Variants in RASL12 observed in about 807,000 individuals in gnomAD.
RASL12 encodes ras-like protein family member 12.
Under a neutral mutation model 22.9 loss-of-function variants are expected in RASL12, and 16 were observed. The ratio of observed to expected loss-of-function variants is 0.70; its 90% CI spans 0.47 to 1.06. The LOEUF is 1.06. Ranked by LOEUF, RASL12 falls within the 50% of genes least tolerant of loss-of-function variation. The pLI is 0.00. For synonymous variants in RASL12, 159 were observed against 152.2 expected (o/e 1.04, Z -0.33); for missense variants, 306 against 353.1 (o/e 0.87, Z 1.07).
chr15:65,057,467 G>A (rs1376867992), intron 4 of RASL12, among the ~76,000 whole-genome samples: 1 of 152,232 alleles, frequency 6.6e-6, no homozygotes, highest in Non-Finnish European at 1.5e-5. Context: ...GGAGTGGTGA[G>A]GCCTGGGGTC....
chr15:65,053,073 A>G, downstream of RASL12: 1 of 1,614,198 alleles, frequency 6.2e-7, no homozygotes, highest in Non-Finnish European at 8.5e-7. Flanking sequence ...TTGCTCTCAG[A>G]AAAGCCAAAC....
downstream of RASL12, chr15:65,051,491 T>C (rs1331983732): frequency 6.2e-7 from 1 of 1,611,504 alleles, no homozygotes; most frequent in Admixed American, 1.7e-5. Flanking sequence ...TCCTCAGGGC[T>C]CTGTCCTGTG....
intron 1 of RASL12, chr15:65,076,420 C>A: frequency 3.7e-6 from 2 of 534,982 alleles, no homozygotes; most frequent in Non-Finnish European, 6.6e-6. Flanking sequence ...CAGCTTCACT[C>A]CTGAGCCAGC....
intron 2 of RASL12, among the ~76,000 whole-genome samples, chr15:65,059,667 G>A (rs2086778655): frequency 6.6e-6 from 1 of 152,182 alleles, no homozygotes; most frequent in South Asian, 2.1e-4. Flanking sequence ...GGGTGGGTCT[G>A]TGTTCTGGAT....
downstream of RASL12, chr15:65,051,413 G>T: frequency 9.1e-7 from 1 of 1,102,080 alleles, no homozygotes. Context: ...GCAAAGGACA[G>T]TTGATGCTGT....
chr15:65,053,711 T>C lies in RASL12; in HGVS notation c.*1188A>G. 1 of 988,322 alleles carries C rather than the reference T, an allele frequency of 1.0e-6. No individual in the cohort carries two copies. The highest frequency in any genetic ancestry group is 1.2e-6 in the Non-Finnish European group (1 of 831,726). 61.2% of individuals were successfully genotyped at this position (988,322 alleles called of 1,614,324 possible). On this transcript the variant is annotated 3_prime_UTR_variant, in exon 5 of 5. Transcript: ENST00000220062. Reference sequence around the variant, plus strand: ...CAGGACCCTCTCTTTTCCCTGCTTGTCTGCTAAGAGTCTGTGCAAGACTTC... The same window carrying C: ...CAGGACCCTCTCTTTTCCCTGCTTGCCTGCTAAGAGTCTGTGCAAGACTTC...
chr15:65,068,482 C>G (rs966114823), upstream of RASL12, among the ~76,000 whole-genome samples: 3 of 152,134 alleles, frequency 2.0e-5, no homozygotes, highest in Admixed American at 2.0e-4. The surrounding 1 kb of genome is among the most constrained non-coding windows in gnomAD (Gnocchi z 4.2). Context: ...AGAACCCATT[C>G]GGAACCCAGG....
At chr15:65,049,960 A>G (rs767956797), downstream of RASL12, 229 of 1,482,238 alleles carry the variant, frequency 1.5e-4, no homozygotes, top group Middle Eastern at 8.7e-4. Context: ...TGCTGGGGCT[A>G]AGGGGTCTAA....
intron 1 of RASL12, among the ~76,000 whole-genome samples, chr15:65,065,886 G>C (rs2086870281): frequency 6.6e-6 from 1 of 152,120 alleles, no homozygotes; most frequent in South Asian, 2.1e-4. Flanking sequence ...GGATATCTCA[G>C]CAGAATGTAA....
chr15:65,067,960 G>C lies in RASL12; in HGVS notation c.-125C>G. 1 of 1,189,734 alleles carries C rather than the reference G, an allele frequency of 8.4e-7. No individual in the cohort carries two copies. The highest frequency in any genetic ancestry group is 1.0e-6 in the Non-Finnish European group (1 of 961,036). 73.7% of individuals were successfully genotyped at this position (1,189,734 alleles called of 1,614,324 possible). On this transcript the variant is annotated 5_prime_UTR_variant, in exon 1 of 5. Coordinates refer to ENST00000220062, the MANE Select transcript of RASL12 (RefSeq NM_016563.4). ...AGCGCGCGGCCCCGGACCCGTCGGC[G>C]TCCGCGCCCTCGGCCCCGCGTCCAG...
downstream of RASL12, chr15:65,052,886 A>G (rs2086673288): frequency 3.0e-6 from 4 of 1,344,796 alleles, no homozygotes; most frequent in Admixed American, 6.2e-5. Flanking sequence ...TTCCCCTTAG[A>G]CTCTTTAAGC....
intron 1 of RASL12, 58 bp from the exon 2 acceptor site, chr15:65,065,331 C>G (rs934036747): frequency 1.3e-6 from 2 of 1,535,034 alleles, no homozygotes; most frequent in African/African-American, 2.7e-5. Context: ...GCTGCTGGCC[C>G]CTCGTTTAAG....
At chr15:65,058,141 A>G (rs756249761) in intron 4 of RASL12, among the ~76,000 whole-genome samples, 29 of 152,136 alleles carry the variant, frequency 1.9e-4, no homozygotes, top group Non-Finnish European at 1.3e-4. Context: ...TGGTGGCAGG[A>G]ACCTGTAATC....
downstream of RASL12, among the ~76,000 whole-genome samples, chr15:65,052,064 A>T (rs752838805): frequency 6.6e-6 from 1 of 152,186 alleles, no homozygotes; most frequent in Non-Finnish European, 1.5e-5. Context: ...AATAAAACCA[A>T]TCTGGAGAGA....
chr15:65,051,710 A>G, downstream of RASL12: 1 of 971,656 alleles, frequency 1.0e-6, no homozygotes, highest in Non-Finnish European at 1.6e-6. Flanking sequence ...ATTGCTGTCC[A>G]CCCTTTGGGA....
upstream of RASL12, among the ~76,000 whole-genome samples, chr15:65,069,007 T>G (rs754005046): frequency 2.1e-4 from 32 of 152,300 alleles, no homozygotes; most frequent in Middle Eastern, 3.4e-3. Context: ...CGCTCCAGGT[T>G]AGAGCAGGGA....
At chr15:65,066,336 A>G (rs1457719031) in intron 1 of RASL12, among the ~76,000 whole-genome samples, 1 of 152,164 alleles carries the variant, frequency 6.6e-6, no homozygotes, top group Non-Finnish European at 1.5e-5. Context: ...TGGGCAATGC[A>G]GTGACACTGT....
At chr15:65,061,782 G>A (rs1323669316) in intron 2 of RASL12, among the ~76,000 whole-genome samples, 1 of 152,152 alleles carries the variant, frequency 6.6e-6, no homozygotes, top group East Asian at 1.9e-4. Context: ...GGGCGTGGTG[G>A]CTCACACCTG....
At position 65,054,352 on chromosome 15, in the gene RASL12, A is replaced by G; in HGVS notation, c.*547T>C. The G allele has an allele frequency of 4.1e-6, 4 of 985,880 alleles. No individual in the cohort carries two copies. The highest frequency in any genetic ancestry group is 4.8e-6 in the Non-Finnish European group (4 of 830,298). 61.1% of individuals were successfully genotyped at this position (985,880 alleles called of 1,614,324 possible). On this transcript the variant is annotated 3_prime_UTR_variant, in exon 5 of 5. Coordinates refer to ENST00000220062, the MANE Select transcript of RASL12 (RefSeq NM_016563.4). Reference sequence around the variant, plus strand: ...ATTATTTTAACTAGATTTTCCTTGGATAAACTGTGGGGTTTGTAGCCTGGG... The same window carrying G: ...ATTATTTTAACTAGATTTTCCTTGGGTAAACTGTGGGGTTTGTAGCCTGGG...
Sources: allele counts gnomAD v4.1 joint callset (sites outside exome capture counted in the v4.1 genomes callset), GRCh38; gene constraint gnomAD v4.1.1; non-coding constraint Gnocchi (gnomAD v3.1); transcripts MANE v1.5; gene names NCBI Gene and HGNC (gene_info 2026-07-23, HGNC 2026-07-21).